The following IL17RD variants were observed in gnomAD, a reference collection of about 807,000 sequenced individuals.
IL17RD encodes the protein interleukin 17 receptor D.
Under a neutral mutation model 80.5 loss-of-function variants are expected in IL17RD, and 52 were observed. The ratio of observed to expected loss-of-function variants is 0.65; its 90% CI spans 0.52 to 0.81. The LOEUF is 0.81. Ranked by LOEUF, IL17RD falls within the 40% of genes least tolerant of loss-of-function variation. The pLI is 0.00. For synonymous variants in IL17RD, 416 were observed against 391.8 expected, an observed-to-expected ratio of 1.06 and a Z score of -0.73; for missense variants, 1,024 against 955.1, an observed-to-expected ratio of 1.07 and a Z score of -0.95.
rs375975326 is a variant in IL17RD at position 57,093,273 on chromosome 3, T to C, written c.*3120A>G. ...TTCACCAATAGAAAATAAAAAAGAC[T>C]AGTAACCTTCACATTGGCATTGCCC... On this transcript the variant is annotated 3_prime_UTR_variant, in exon 13 of 13. Transcript: ENST00000296318. 92 of 152,308 alleles carry C rather than the reference T, an allele frequency of 6.0e-4. 1 individual carries two copies. Among genetic ancestry groups the C allele is most frequent in the African/African-American group, 2.2e-3 (91 of 41,578 alleles). The allele number at this position is 152,308 out of a possible 1,614,324, so 9.4% of individuals were successfully genotyped here.
chr3:57,151,116 G>A (rs1006686496), intron 1 of IL17RD, among the ~76,000 whole-genome samples: 3 of 152,104 alleles, frequency 2.0e-5, no homozygotes, highest in Non-Finnish European at 4.4e-5. Flanking sequence ...TATTCACTGC[G>A]GCTTTCCTGA....
rs780578015 is a variant in IL17RD at position 57,109,276 on chromosome 3, G to A, written c.550+261C>T. 9.0e-4 allele frequency among the ~76,000 whole-genome samples: 137 copies of A among 152,140 alleles called. No individual in the cohort carries two copies. The Middle Eastern group carries it at 0.014, about 15-fold the overall frequency. On this transcript the variant is annotated intron_variant, in intron 5 of 12. Coordinates refer to ENST00000296318, the MANE Select transcript of IL17RD (RefSeq NM_017563.5). Reference sequence around the variant, plus strand: ...CAATTCTCCTGCCTTAGCCTCCCGAGTAGTGGGATTACAGGCGCCTGCCAC... The same window carrying A: ...CAATTCTCCTGCCTTAGCCTCCCGAATAGTGGGATTACAGGCGCCTGCCAC...
intron 2 of IL17RD, among the ~76,000 whole-genome samples, chr3:57,119,565 T>TA (rs1354357650): frequency 1.3e-5 from 2 of 151,996 alleles, no homozygotes; most frequent in African/African-American, 4.8e-5. Flanking sequence ...AAAGAACTGA[T>TA]AGATGGGGTA....
chr3:57,102,828 T>C (rs1189339697), intron 9 of IL17RD, among the ~76,000 whole-genome samples: 1 of 152,158 alleles, frequency 6.6e-6, no homozygotes, highest in African/African-American at 2.4e-5. Flanking sequence ...AGTGAGAATT[T>C]TGCCTAAGGA....
At chr3:57,164,190 C>T (rs188673711) in intron 1 of IL17RD, among the ~76,000 whole-genome samples, 173 of 152,330 alleles carry the variant, frequency 1.1e-3, no homozygotes, top group African/African-American at 4.0e-3. Flanking sequence ...AGTGCAAAGC[C>T]TACGTTTTCT....
intron 1 of IL17RD, among the ~76,000 whole-genome samples, chr3:57,145,694 C>T (rs924070320): frequency 3.3e-5 from 5 of 152,128 alleles, no homozygotes; most frequent in Non-Finnish European, 5.9e-5. Context: ...AGGACAATTA[C>T]ACCCTCTGAA....
Position 57,091,704 on chromosome 3 carries a change from A to G in IL17RD, c.*4689T>C, listed in dbSNP as rs975320609. On this transcript the variant is annotated 3_prime_UTR_variant, in exon 13 of 13. Transcript: ENST00000296318. ...GAAGGTGACCAGCTGTTCTTTCTCCACTACAAGCCGAACAAAAGGAAGCTG... is the reference window on the plus strand; with the variant it reads ...GAAGGTGACCAGCTGTTCTTTCTCCGCTACAAGCCGAACAAAAGGAAGCTG... 3.3e-5 allele frequency: 5 copies of G among 152,514 alleles called. No individual in the cohort carries two copies. Among genetic ancestry groups the G allele is most frequent in the African/African-American group, 7.2e-5 (3 of 41,450 alleles). The allele number at this position is 152,514 out of a possible 1,614,324, so 9.4% of individuals were successfully genotyped here. A position where few individuals can be genotyped will look rare whatever the true frequency, so the allele number is the denominator to read the frequency against.
At chr3:57,152,869 A>G (rs1029683235) in intron 1 of IL17RD, among the ~76,000 whole-genome samples, 4 of 152,232 alleles carry the variant, frequency 2.6e-5, no homozygotes, top group African/African-American at 9.6e-5. Flanking sequence ...ATAAAGTTCA[A>G]TGTTTTCTTA....
At chr3:57,124,847 GC>G (rs992367785) in intron 1 of IL17RD, among the ~76,000 whole-genome samples, 2 of 152,058 alleles carry the variant, frequency 1.3e-5, no homozygotes, top group African/African-American at 4.8e-5. Context: ...CCTCCACCCT[GC>G]CCCCCAACAC....
upstream of IL17RD, among the ~76,000 whole-genome samples, chr3:57,167,072 C>T (rs1172740028): frequency 6.6e-6 from 1 of 152,224 alleles, no homozygotes; most frequent in Non-Finnish European, 1.5e-5. Context: ...ACCTGAACTT[C>T]AGGGGCTGGA....
intron 3 of IL17RD, among the ~76,000 whole-genome samples, chr3:57,112,356 C>T (rs765922914): frequency 3.3e-5 from 5 of 152,218 alleles, no homozygotes; most frequent in Non-Finnish European, 7.3e-5. Context: ...AGGTGAGATT[C>T]GAACCCAGGA....
chr3:57,165,063 C>G, intron 1 of IL17RD, 98 bp downstream of exon 1: 1 of 1,374,884 alleles, frequency 7.3e-7, no homozygotes, highest in South Asian at 1.7e-5. Flanking sequence ...CCGCGAAGAG[C>G]AGACAGGTTG....
chr3:57,096,879 C>T (rs1387247640), intron 12 of IL17RD, among the ~76,000 whole-genome samples: 6 of 151,878 alleles, frequency 4.0e-5, no homozygotes, highest in African/African-American at 9.7e-5. Context: ...GGCATGGTGG[C>T]GCATGCTTGT....
chr3:57,134,214 A>C (rs1438540536), intron 1 of IL17RD: 5 of 688,512 alleles, frequency 7.3e-6, no homozygotes, highest in African/African-American at 7.0e-5. Flanking sequence ...GTTGGACCCC[A>C]ATAAGACCAA....
chr3:57,110,842 T>C (rs2107484374), intron 3 of IL17RD, among the ~76,000 whole-genome samples: 1 of 152,356 alleles, frequency 6.6e-6, no homozygotes, highest in Admixed American at 6.5e-5. Context: ...CTTAGGGGAA[T>C]GCCTGTGTGA....
intron 1 of IL17RD, among the ~76,000 whole-genome samples, chr3:57,154,277 T>TACACACACACACACACACACACACAC (rs1420516131): frequency 8.0e-6 from 1 of 124,530 alleles, no homozygotes; most frequent in African/African-American, 3.5e-5. Context: ...TATATATATA[T>TACACACACACACACACACACACACAC]ATATATACAC....
intron 1 of IL17RD, among the ~76,000 whole-genome samples, chr3:57,148,687 T>G: frequency 6.6e-6 from 1 of 152,194 alleles, no homozygotes. Flanking sequence ...GTAAAGGTCA[T>G]GTGCTCAAAG....
At chr3:57,125,424 G>C (rs888926928) in intron 1 of IL17RD, among the ~76,000 whole-genome samples, 1 of 151,864 alleles carries the variant, frequency 6.6e-6, no homozygotes, top group Non-Finnish European at 1.5e-5. Flanking sequence ...AAAAAAAAAA[G>C]TGTTTGAATA....
At chr3:57,122,923 CTTTT>C (rs374580494) in intron 1 of IL17RD, among the ~76,000 whole-genome samples, 3 of 147,426 alleles carry the variant, frequency 2.0e-5, no homozygotes, top group East Asian at 2.0e-4. Flanking sequence ...TCAGATGTAG[CTTTT>C]TTTTTTGTTC....
Sources: gnomAD v4.1 joint callset for allele counts (sites outside exome capture counted in the v4.1 genomes callset) on GRCh38, gnomAD v4.1.1 for gene constraint, MANE v1.5 for transcripts, NCBI Gene and HGNC (gene_info 2026-07-23, HGNC 2026-07-21) for gene names.